The following XNDC1N variants were observed in gnomAD, a reference collection of about 807,000 sequenced individuals.
The protein encoded by XNDC1N is XRCC1 N-terminal domain containing 1, N-terminal like.
chr11:71,876,476 G>T, the XNDC1N span, among the ~76,000 whole-genome samples: 1 of 152,260 alleles, frequency 6.6e-6, no homozygotes, highest in East Asian at 1.9e-4. Flanking sequence ...TGATATCCGT[G>T]ATTGGTAGCC....
the XNDC1N span, among the ~76,000 whole-genome samples, chr11:71,890,935 A>G: frequency 6.6e-6 from 1 of 152,050 alleles, no homozygotes; most frequent in South Asian, 2.1e-4. Flanking sequence ...TGAGAGTAGT[A>G]TCATCCTCTC....
At chr11:71,892,517 A>G in the XNDC1N span, among the ~76,000 whole-genome samples, 4 of 152,226 alleles carry the variant, frequency 2.6e-5, no homozygotes, top group African/African-American at 9.6e-5. Flanking sequence ...GGATATTACA[A>G]ATAATATCAC....
the XNDC1N span, among the ~76,000 whole-genome samples, chr11:71,920,634 T>G: frequency 6.6e-6 from 1 of 152,228 alleles, no homozygotes; most frequent in African/African-American, 2.4e-5. Context: ...TTATTTATCT[T>G]TATAGTTATT....
the XNDC1N span, among the ~76,000 whole-genome samples, chr11:71,879,479 A>C: frequency 1.3e-5 from 2 of 152,222 alleles, no homozygotes; most frequent in South Asian, 4.1e-4. Flanking sequence ...ATCATTTCTG[A>C]AGCACATTTT....
the XNDC1N span, chr11:71,928,117 G>A: frequency 3.6e-6 from 1 of 277,626 alleles, no homozygotes; most frequent in Admixed American, 4.9e-5. Context: ...GCAGAAGCTG[G>A]GGCCGCAGGA....
At chr11:71,872,748 AG>A in the XNDC1N span, among the ~76,000 whole-genome samples, 12 of 152,126 alleles carry the variant, frequency 7.9e-5, no homozygotes, top group Non-Finnish European at 1.3e-4. Context: ...AAAAAGAAAT[AG>A]GAATTATCTA....
chr11:71,896,401 A>G, the XNDC1N span, among the ~76,000 whole-genome samples: 1 of 152,236 alleles, frequency 6.6e-6, no homozygotes, highest in Non-Finnish European at 1.5e-5. Flanking sequence ...CAAAATACAG[A>G]AAGATGGAAT....
the XNDC1N span, among the ~76,000 whole-genome samples, chr11:71,914,820 TTTC>T: frequency 6.6e-6 from 1 of 152,070 alleles, no homozygotes; most frequent in Non-Finnish European, 1.5e-5. Flanking sequence ...AGCAAAGTGG[TTTC>T]TTGAGATGAA....
the XNDC1N span, chr11:71,927,931 G>T: frequency 2.0e-5 from 3 of 152,636 alleles, no homozygotes; most frequent in African/African-American, 7.2e-5. Context: ...TAGACGTTCT[G>T]TGGGCTCACA....
the XNDC1N span, chr11:71,878,311 C>A: frequency 1.2e-6 from 1 of 825,764 alleles, no homozygotes; most frequent in Middle Eastern, 3.7e-4. Context: ...GATATAAAAT[C>A]TCATTGAAAC....
chr11:71,915,100 C>T, the XNDC1N span, among the ~76,000 whole-genome samples: 1 of 152,114 alleles, frequency 6.6e-6, no homozygotes, highest in Non-Finnish European at 1.5e-5. Context: ...CAATAACCAC[C>T]CTGATCTGTC....
chr11:71,928,417 A>G, the XNDC1N span: 10 of 700,484 alleles, frequency 1.4e-5, no homozygotes, highest in Non-Finnish European at 2.6e-5. Flanking sequence ...CGGACCACCA[A>G]ACCTATTCTC....
the XNDC1N span, among the ~76,000 whole-genome samples, chr11:71,909,564 C>T: frequency 6.6e-6 from 1 of 152,342 alleles, no homozygotes; most frequent in Admixed American, 6.5e-5. Flanking sequence ...CAAGCGTTCC[C>T]AAAGAGCCTC....
chr11:71,912,561 T>C, the XNDC1N span, among the ~76,000 whole-genome samples: 1 of 152,088 alleles, frequency 6.6e-6, no homozygotes, highest in African/African-American at 2.4e-5. Flanking sequence ...AGTAACATCA[T>C]CCTCTATTTT....
chr11:71,906,065 G>A, the XNDC1N span, among the ~76,000 whole-genome samples: 6 of 151,640 alleles, frequency 4.0e-5, no homozygotes, highest in South Asian at 2.1e-4. Flanking sequence ...AGGTGTACAC[G>A]CATTGTGACA....
chr11:71,882,813 T>A, the XNDC1N span, among the ~76,000 whole-genome samples: 1 of 152,144 alleles, frequency 6.6e-6, no homozygotes, highest in Non-Finnish European at 1.5e-5. Flanking sequence ...AGTAAAATTA[T>A]CTATTTCCAA....
the XNDC1N span, chr11:71,894,257 C>T: frequency 2.5e-6 from 1 of 405,654 alleles, no homozygotes; most frequent in Non-Finnish European, 4.5e-6. Flanking sequence ...TTGACTTCAG[C>T]TCTGTCACCA....
the XNDC1N span, among the ~76,000 whole-genome samples, chr11:71,872,383 C>G: frequency 6.6e-6 from 1 of 152,188 alleles, no homozygotes; most frequent in Non-Finnish European, 1.5e-5. Context: ...TGTGAAATTT[C>G]TATATTGTGC....
the XNDC1N span, among the ~76,000 whole-genome samples, chr11:71,879,443 G>T: frequency 6.6e-6 from 1 of 152,126 alleles, no homozygotes; most frequent in Non-Finnish European, 1.5e-5. Context: ...TCATACCTGA[G>T]ATTTAGATTA....
Sources: allele counts gnomAD v4.1 joint callset (sites outside exome capture counted in the v4.1 genomes callset), GRCh38; gene constraint gnomAD v4.1.1; transcripts MANE v1.5; gene names NCBI Gene and HGNC (gene_info 2026-07-23, HGNC 2026-07-21).